The following HECW2 variants were observed in gnomAD, a reference collection of about 807,000 sequenced individuals.
HECW2 encodes the protein E3 ubiquitin-protein ligase HECW2.
A neutral mutation model predicts 175.2 loss-of-function variants in HECW2; 61 were observed. The ratio of observed to expected loss-of-function variants is 0.35; its 90% CI spans 0.28 to 0.43. HECW2 has a LOEUF of 0.43. HECW2 is among the 20% of genes least tolerant of loss of function. The pLI is 1.00. For missense variants in HECW2, 1,524 were observed against 2,000.5 expected (o/e 0.76, Z 4.54); for synonymous variants, 671 against 731.0 (o/e 0.92, Z 1.32).
chr2:196,539,087 A>AG (rs1356166741), intron 1 of HECW2, among the ~76,000 whole-genome samples: 1 of 152,228 alleles, frequency 6.6e-6, no homozygotes, highest in Non-Finnish European at 1.5e-5. Flanking sequence ...GCAGAAGTCC[A>AG]GAAGTGCCCT....
chr2:196,404,486 T>G (rs1415213894), intron 2 of HECW2, among the ~76,000 whole-genome samples: 1 of 152,224 alleles, frequency 6.6e-6, no homozygotes, highest in Non-Finnish European at 1.5e-5. Flanking sequence ...TAGTCAAAGA[T>G]CTGTAACTTC....
intron 1 of HECW2, among the ~76,000 whole-genome samples, chr2:196,543,295 T>C (rs1446389187): frequency 2.6e-5 from 4 of 151,000 alleles, no homozygotes; most frequent in Admixed American, 6.6e-5. Flanking sequence ...TTTTTATATA[T>C]ATAAATTTGT....
chr2:196,461,814 C>T (rs1696756102), intron 1 of HECW2, among the ~76,000 whole-genome samples: 1 of 152,226 alleles, frequency 6.6e-6, no homozygotes, highest in South Asian at 2.1e-4. Flanking sequence ...CCCCATGATT[C>T]AACCACCTCC....
chr2:196,470,934 T>C (rs1406386371), intron 1 of HECW2, among the ~76,000 whole-genome samples: 1 of 128,070 alleles, frequency 7.8e-6, no homozygotes. Flanking sequence ...TTACAGAAAA[T>C]AAAATCAAAA....
Position 196,194,869 on chromosome 2 carries a change from T to TA in HECW2, c.*6407dup, listed in dbSNP as rs891274511. The TA allele has an allele frequency of 1.3e-5, 2 of 152,288 alleles. No individual in the cohort carries two copies. The highest frequency in any genetic ancestry group is 2.1e-4 in the South Asian group (1 of 4,824). 9.4% of individuals were successfully genotyped at this position (152,288 alleles called of 1,614,324 possible). A position where few individuals can be genotyped will look rare whatever the true frequency, so the allele number is the denominator to read the frequency against. ...GGTTGGTGAAGAGAAATTAAAAGCTTAAAAAAATACACCACCTGTGTTCTA... is the reference window on the plus strand; with the variant it reads ...GGTTGGTGAAGAGAAATTAAAAGCTTAAAAAAAATACACCACCTGTGTTCTA... On this transcript the variant is annotated 3_prime_UTR_variant, in exon 29 of 29. Transcript: ENST00000644978.
Position 196,271,270 on chromosome 2 carries a change from A to G in HECW2, c.3258T>C (p.Val1086=), listed in dbSNP as rs748631113. ...MVPVAYNDKI[V]AFLRQPNIFE... Reference sequence around the variant, plus strand: ...AGATATTGGGTTGACGTAGAAATGCAACAATCTTGTCATTGTAAGCTGAAA... The same window carrying G: ...AGATATTGGGTTGACGTAGAAATGCGACAATCTTGTCATTGTAAGCTGAAA... Residue 1086 remains valine, a synonymous_variant, in exon 17 of 29, where the codon GTT becomes GTC. Coordinates refer to ENST00000644978, the MANE Select transcript of HECW2 (RefSeq NM_001348768.2). 1.9e-6 allele frequency: 3 copies of G among 1,607,938 alleles called. No individual in the cohort carries two copies. Among genetic ancestry groups the G allele is most frequent in the South Asian group, 2.2e-5 (2 of 90,884 alleles).
At position 196,299,329 on chromosome 2, in the gene HECW2, TA is replaced by T. The variant is rs11368645; in HGVS notation, c.2815-6580del. The stretch of plus-strand genomic sequence containing the variant: ...ATAAAAACACGAAAACAAAATAAGT[TA>T]AAAAAAAAAAAAGCCTGTAAGCTGC... On this transcript the variant is annotated intron_variant, in intron 13 of 28. Coordinates refer to ENST00000644978, the MANE Select transcript of HECW2 (RefSeq NM_001348768.2). Among the ~76,000 whole-genome samples the T allele has an allele frequency of 1.2e-3, 176 of 144,556 alleles. 1 individual carries two copies. Among genetic ancestry groups the T allele is most frequent in the African/African-American group, 3.9e-3 (154 of 39,308 alleles). 94.8% of individuals were successfully genotyped at this position (144,556 alleles called of 152,430 possible). A position where few individuals can be genotyped will look rare whatever the true frequency, so the allele number is the denominator to read the frequency against.
intron 1 of HECW2, among the ~76,000 whole-genome samples, chr2:196,451,606 T>C: frequency 6.6e-6 from 1 of 151,704 alleles, no homozygotes; most frequent in African/African-American, 2.4e-5. Flanking sequence ...TAAACAGAAA[T>C]GATTTCCTGA....
chr2:196,456,602 C>G (rs1481113862), intron 1 of HECW2, among the ~76,000 whole-genome samples: 1 of 152,186 alleles, frequency 6.6e-6, no homozygotes, highest in East Asian at 1.9e-4. Context: ...CCACTGCAAT[C>G]AGCAAATAAG....
chr2:196,329,455 C>T (rs912801943), intron 5 of HECW2, 120 bp downstream of exon 5: 4 of 654,698 alleles, frequency 6.1e-6, no homozygotes, highest in Non-Finnish European at 1.1e-5. Context: ...AAGTATGACC[C>T]CCCAAAACTA....
At chr2:196,541,640 T>C (rs983479122) in intron 1 of HECW2, among the ~76,000 whole-genome samples, 3 of 152,228 alleles carry the variant, frequency 2.0e-5, no homozygotes, top group Non-Finnish European at 4.4e-5. Flanking sequence ...AAAAGATTGG[T>C]AAGTGTGCAT....
intron 1 of HECW2, among the ~76,000 whole-genome samples, chr2:196,490,067 C>T (rs1017680177): frequency 6.6e-6 from 1 of 152,216 alleles, no homozygotes; most frequent in African/African-American, 2.4e-5. Context: ...GCCTTACCTT[C>T]CCACACTCAG....
At chr2:196,480,861 G>A (rs1225650409) in intron 1 of HECW2, among the ~76,000 whole-genome samples, 2 of 152,164 alleles carry the variant, frequency 1.3e-5, no homozygotes, top group Non-Finnish European at 2.9e-5. Context: ...TCTGTGCATA[G>A]CTCAACTGAG....
intron 19 of HECW2, among the ~76,000 whole-genome samples, chr2:196,244,301 G>A (rs1688567742): frequency 6.6e-6 from 1 of 152,168 alleles, no homozygotes; most frequent in South Asian, 2.1e-4. Context: ...CTATACCCCT[G>A]GGGCTATACC....
intron 1 of HECW2, among the ~76,000 whole-genome samples, chr2:196,479,679 C>T (rs1318461711): frequency 1.3e-5 from 2 of 152,126 alleles, no homozygotes; most frequent in African/African-American, 2.4e-5. Context: ...AATTCAGGAT[C>T]TCTCTCCTCT....
intron 2 of HECW2, among the ~76,000 whole-genome samples, chr2:196,353,385 C>T (rs1693242558): frequency 6.6e-6 from 1 of 152,232 alleles, no homozygotes; most frequent in Non-Finnish European, 1.5e-5. Flanking sequence ...CATCTTCTCA[C>T]ATACTCTATA....
chr2:196,431,818 TA>T (rs1695721951), intron 2 of HECW2, among the ~76,000 whole-genome samples: 1 of 152,268 alleles, frequency 6.6e-6, no homozygotes, highest in African/African-American at 2.4e-5. Context: ...AACAATTCAT[TA>T]AAGCTTTGCC....
At chr2:196,575,255 T>C (rs1045419024) in intron 1 of HECW2, among the ~76,000 whole-genome samples, 6 of 151,936 alleles carry the variant, frequency 3.9e-5, no homozygotes, top group East Asian at 1.9e-4. Context: ...ATAGCTATTA[T>C]CAAAAAGACA....
At chr2:196,373,637 G>T (rs1034780732) in intron 2 of HECW2, among the ~76,000 whole-genome samples, 1 of 152,098 alleles carries the variant, frequency 6.6e-6, no homozygotes, top group Non-Finnish European at 1.5e-5. Context: ...CTTAAAAAAA[G>T]CTATTGTTTT....
Sources: gnomAD v4.1 joint callset for allele counts (sites outside exome capture counted in the v4.1 genomes callset) on GRCh38, gnomAD v4.1.1 for gene constraint, MANE v1.5 for transcripts, NCBI Gene and HGNC (gene_info 2026-07-23, HGNC 2026-07-21) for gene names.